ITGA2: variants seen among roughly 807,000 people sequenced by gnomAD.
ITGA2 encodes integrin alpha-2.
A neutral mutation model predicts 146.3 loss-of-function variants in ITGA2; 101 were observed. The ratio of observed to expected loss-of-function variants is 0.69; its 90% CI spans 0.59 to 0.81. The LOEUF is 0.81. ITGA2 is among the 40% of genes least tolerant of loss of function. ITGA2 has a pLI of 0.00. For synonymous variants in ITGA2, 477 were observed against 487.1 expected, an observed-to-expected ratio of 0.98 and a Z score of 0.27; for missense variants, 1,281 against 1,402.7, an observed-to-expected ratio of 0.91 and a Z score of 1.39.
chr5:53,086,828 G>T, intron 27 of ITGA2, 124 bp from the exon 28 acceptor site: 1 of 778,576 alleles, frequency 1.3e-6, no homozygotes, highest in Non-Finnish European at 2.2e-6. Context: ...TTCTGGATGG[G>T]TCTTCAGAAC....
At position 53,070,140 on chromosome 5, in the gene ITGA2, T is replaced by C. The variant is rs1432953891; in HGVS notation, c.2115T>C (p.Asp705=). 1.2e-6 allele frequency: 2 copies of C among 1,611,570 alleles called. No homozygotes were observed. The highest frequency in any genetic ancestry group is 1.7e-5 in the Admixed American group (1 of 59,828). The change falls in exon 17 of 30, where the codon GAT becomes GAC. Residue 705 remains aspartate (D), a synonymous_variant. Coordinates refer to ENST00000296585, the MANE Select transcript of ITGA2 (RefSeq NM_002203.4). ...TATATAACATCACACTTGATGCAGA[T>C]GGATTTTCATCCAGAGTAACCTCCA... ...AIVYNITLDA[D]GFSSRVTSRG... is the part of the protein sequence containing the mutation.
intron 27 of ITGA2, among the ~76,000 whole-genome samples, chr5:53,084,363 T>TC (rs1432003063): frequency 6.6e-6 from 1 of 152,146 alleles, no homozygotes; most frequent in Non-Finnish European, 1.5e-5. Flanking sequence ...CATTTTTTTT[T>TC]CTGTTTATCA....
intron 1 of ITGA2, among the ~76,000 whole-genome samples, chr5:53,020,451 G>A (rs1227917192): frequency 6.6e-6 from 1 of 152,064 alleles, no homozygotes; most frequent in Non-Finnish European, 1.5e-5. Context: ...CCCATTCTTA[G>A]GACATGCCTA....
chr5:53,055,622 T>C lies in ITGA2; in HGVS notation c.864T>C (p.Asp288=). 2.5e-6 allele frequency: 4 copies of C among 1,613,378 alleles called. No individual in the cohort carries two copies. Among genetic ancestry groups the C allele is most frequent in the South Asian group, 1.1e-5 (1 of 91,068 alleles). The stretch of plus-strand genomic sequence containing the variant: ...TTGTAACTGACGGTGAATCACATGA[T>C]GGTTCAATGTTGAAAGCTGTGATTG... ...MVVVTDGESH[D]GSMLKAVIDQ... is the part of the protein sequence containing the mutation. Residue 288 remains aspartate, a synonymous_variant, in exon 8 of 30, where the codon GAT becomes GAC. Coordinates refer to ENST00000296585, the MANE Select transcript of ITGA2 (RefSeq NM_002203.4).
chr5:53,042,220 A>G lies in ITGA2; in HGVS notation c.294A>G (p.Gln98=). 1.3e-6 allele frequency: 2 copies of G among 1,574,900 alleles called. No individual in the cohort carries two copies. The highest frequency in any genetic ancestry group is 1.7e-6 in the Non-Finnish European group (2 of 1,144,256). ...CCACATGTGAAAAACTAAATTTGCAAAGTAAGTTTAAATTTACTTGCAAGG... is the reference window on the plus strand; with the variant it reads ...CCACATGTGAAAAACTAAATTTGCAGAGTAAGTTTAAATTTACTTGCAAGG... ...STATCEKLNL[Q]TSTSIPNVTE... is the part of the protein sequence containing the mutation. The change falls in exon 3 of 30, where the codon CAA becomes CAG. Residue 98 remains glutamine (Q), a splice_region_variant and synonymous_variant. Coordinates refer to ENST00000296585, the MANE Select transcript of ITGA2 (RefSeq NM_002203.4).
chr5:52,996,852 A>C (rs529959510), intron 1 of ITGA2, among the ~76,000 whole-genome samples: 1 of 152,350 alleles, frequency 6.6e-6, no homozygotes, highest in South Asian at 2.1e-4. Context: ...AAAGATCCCC[A>C]AAATAATCTT....
At chr5:53,009,877 C>T (rs1004143558) in intron 1 of ITGA2, among the ~76,000 whole-genome samples, 1 of 152,098 alleles carries the variant, frequency 6.6e-6, no homozygotes, top group Non-Finnish European at 1.5e-5. Flanking sequence ...CAGAACTTGA[C>T]CATGCTGCAC....
At chr5:53,027,057 T>C (rs1195588658) in intron 2 of ITGA2, among the ~76,000 whole-genome samples, 189 bp downstream of exon 2, 2 of 152,174 alleles carry the variant, frequency 1.3e-5, no homozygotes, top group African/African-American at 4.8e-5. Flanking sequence ...GGTATAATGG[T>C]TCATTTTTAA....
At chr5:52,992,033 T>A (rs916352233) in intron 1 of ITGA2, among the ~76,000 whole-genome samples, 3 of 152,166 alleles carry the variant, frequency 2.0e-5, no homozygotes, top group Non-Finnish European at 4.4e-5. Context: ...TTTCTTACTA[T>A]CCCTGAAACC....
chr5:53,052,713 A>G (rs1419579962), intron 7 of ITGA2, among the ~76,000 whole-genome samples: 4 of 151,968 alleles, frequency 2.6e-5, no homozygotes, highest in Non-Finnish European at 5.9e-5. Context: ...ATACGCTGCT[A>G]TTCCTAACCA....
At chr5:53,043,344 T>C (rs1023403007) in intron 3 of ITGA2, among the ~76,000 whole-genome samples, 1 of 152,176 alleles carries the variant, frequency 6.6e-6, no homozygotes, top group Non-Finnish European at 1.5e-5. Flanking sequence ...TTAATGTATA[T>C]ATTTTTATTA....
In ITGA2 at chr5:53,066,382, A is replaced by G. The variant is rs187512839; in HGVS notation, c.1943+405A>G. ...TAACTTCTATGTGACTGAATGGTAT[A>G]TTTTAAAATTATTAGTCATAAACAA... On this transcript the variant is annotated intron_variant, in intron 15 of 29. Transcript: ENST00000296585. 3.6e-3 allele frequency among the ~76,000 whole-genome samples: 541 copies of G among 152,002 alleles called. 8 individuals are homozygous for G. The highest frequency in any genetic ancestry group is 3.2e-3 in the Non-Finnish European group (218 of 67,872).
At chr5:53,017,765 G>T (rs2111773252) in intron 1 of ITGA2, among the ~76,000 whole-genome samples, 1 of 152,268 alleles carries the variant, frequency 6.6e-6, no homozygotes, top group Non-Finnish European at 1.5e-5. Context: ...TCAGCTGGGG[G>T]TATGGTAGGA....
At chr5:53,085,245 G>T (rs1358963012) in intron 27 of ITGA2, among the ~76,000 whole-genome samples, 1 of 152,202 alleles carries the variant, frequency 6.6e-6, no homozygotes, top group Non-Finnish European at 1.5e-5. Flanking sequence ...GTAGTGCAAG[G>T]CAACTTAACA....
At chr5:52,996,112 G>A (rs1236086677) in intron 1 of ITGA2, among the ~76,000 whole-genome samples, 3 of 152,156 alleles carry the variant, frequency 2.0e-5, no homozygotes, top group African/African-American at 7.2e-5. Flanking sequence ...GTGTGAGAAA[G>A]TTTGGTATGA....
intron 1 of ITGA2, among the ~76,000 whole-genome samples, chr5:53,003,371 A>G (rs1250718058): frequency 1.3e-5 from 2 of 152,278 alleles, no homozygotes; most frequent in East Asian, 3.9e-4. Flanking sequence ...CCCAAAATTT[A>G]GTGATATGAA....
intron 7 of ITGA2, among the ~76,000 whole-genome samples, chr5:53,053,213 G>A (rs1171313724): frequency 2.0e-5 from 3 of 152,048 alleles, no homozygotes; most frequent in African/African-American, 4.8e-5. Context: ...TTTTCTGTGT[G>A]TGTATTTCAG....
intron 1 of ITGA2, among the ~76,000 whole-genome samples, chr5:53,022,593 CAG>C (rs1742742980): frequency 6.6e-6 from 1 of 152,116 alleles, no homozygotes; most frequent in African/African-American, 2.4e-5. Flanking sequence ...GATTTAGAGA[CAG>C]AGTCTCTGTC....
chr5:53,067,265 G>A lies in ITGA2; in HGVS notation c.2083+8G>A. 1.2e-6 allele frequency: 2 copies of A among 1,611,136 alleles called. No homozygotes were observed. The highest frequency in any genetic ancestry group is 1.7e-4 in the Middle Eastern group (1 of 6,028). ...AGCAAAACAATCAAGTGGGTGCGTA[G>A]ATCTGAAATAATCTGTATAGAAATT... On this transcript the variant is annotated splice_region_variant and intron_variant, in intron 16 of 29. Transcript: ENST00000296585.
Sources: allele counts gnomAD v4.1 joint callset (sites outside exome capture counted in the v4.1 genomes callset), GRCh38; gene constraint gnomAD v4.1.1; transcripts MANE v1.5; gene names NCBI Gene and HGNC (gene_info 2026-07-23, HGNC 2026-07-21).